Variants in LMO7 observed in about 807,000 individuals in gnomAD.
The protein encoded by LMO7 is LIM domain 7, also known as LIM domain only protein 7.
LMO7 carries 120 observed loss-of-function variants against 206.5 expected under a neutral mutation model. That is an observed-to-expected ratio of 0.58 (90% confidence interval 0.50 to 0.68). LMO7 has a LOEUF of 0.68. LMO7 is among the 30% of genes least tolerant of loss of function. LMO7 has a pLI of 0.00. For missense variants in LMO7, 1,959 were observed against 1,957.9 expected (o/e 1.00, Z -0.01); for synonymous variants, 706 against 681.5 (o/e 1.04, Z -0.56).
chr13:75,818,007 C>T (rs1160517800), intron 12 of LMO7, among the ~76,000 whole-genome samples: 1 of 152,082 alleles, frequency 6.6e-6, no homozygotes, highest in Non-Finnish European at 1.5e-5. Context: ...TGAGCAAAAG[C>T]ATGAGCAAAG....
chr13:75,716,842 C>T (rs2043571926), intron 2 of LMO7, among the ~76,000 whole-genome samples: 1 of 151,938 alleles, frequency 6.6e-6, no homozygotes, highest in African/African-American at 2.4e-5. Context: ...CAGTAATTTC[C>T]CAGTTACTCA....
chr13:75,702,491 A>G (rs756143850), intron 1 of LMO7, among the ~76,000 whole-genome samples: 1 of 152,238 alleles, frequency 6.6e-6, no homozygotes, highest in Non-Finnish European at 1.5e-5. Flanking sequence ...TTGCTATCAA[A>G]TGATATTAGT....
rs2039744092 is a variant in LMO7 at position 75,673,300 on chromosome 13, G to T, written c.69+36574G>T. On this transcript the variant is annotated intron_variant, in intron 1 of 30. Coordinates refer to ENST00000377534, the MANE Select transcript of LMO7 (RefSeq NM_001306080.2). ...TCCATCTGAACCTTGACATTTATGA[G>T]AATGTTAGTAAATCCAGATGAAAAT... Among the ~76,000 whole-genome samples, 3 of 152,078 alleles carry T rather than the reference G, an allele frequency of 2.0e-5. No homozygotes were observed. The East Asian group carries it at 5.8e-4, about 29-fold the overall frequency.
Position 75,822,798 on chromosome 13 carries a change from T to C in LMO7, c.2641-767T>C, listed in dbSNP as rs556054829. Among the ~76,000 whole-genome samples, 357 of 104,162 alleles carry C rather than the reference T, an allele frequency of 3.4e-3. 2 individuals are homozygous for C. The highest frequency in any genetic ancestry group is 0.013 in the African/African-American group (342 of 26,966). The allele number at this position is 104,162 out of a possible 152,430, so 68.3% of individuals were successfully genotyped here. A position where few individuals can be genotyped will look rare whatever the true frequency, so the allele number is the denominator to read the frequency against. ...TATATATATATATATATATATATAG[T>C]TTCTAAAAATTATATATATATAATA... is the stretch of plus-strand genomic sequence containing the variant. On this transcript the variant is annotated intron_variant, in intron 14 of 30. Transcript: ENST00000377534.
chr13:75,730,934 C>T (rs1050405429), intron 3 of LMO7, among the ~76,000 whole-genome samples: 12 of 147,800 alleles, frequency 8.1e-5, no homozygotes, highest in East Asian at 3.9e-4. Flanking sequence ...TGTAGTTGAG[C>T]GGTTTTGAGT....
At chr13:75,650,960 AG>A (rs1222532928) in intron 1 of LMO7, among the ~76,000 whole-genome samples, 1 of 152,224 alleles carries the variant, frequency 6.6e-6, no homozygotes, top group Non-Finnish European at 1.5e-5. Context: ...ATTTTAGAAA[AG>A]AAAAGCTTTT....
chr13:75,686,560 G>A (rs1009025712), intron 1 of LMO7, among the ~76,000 whole-genome samples: 17 of 147,974 alleles, frequency 1.1e-4, no homozygotes, highest in Non-Finnish European at 2.4e-4. Context: ...CTCTGTAAGG[G>A]ATAAAATATA....
intron 3 of LMO7, among the ~76,000 whole-genome samples, chr13:75,759,731 A>C (rs12184601): frequency 6.6e-6 from 1 of 152,086 alleles, no homozygotes; most frequent in Non-Finnish European, 1.5e-5. Context: ...TTCTCTTGCC[A>C]CACCTTTCCT....
At chr13:75,696,359 AAACAAAC>A (rs1433362173) in intron 1 of LMO7, among the ~76,000 whole-genome samples, 2 of 102,228 alleles carry the variant, frequency 2.0e-5, no homozygotes, top group African/African-American at 4.0e-5. Flanking sequence ...CATCTCAAAA[AAACAAAC>A]AAACAAACAA....
chr13:75,659,720 C>G (rs1231952414), intron 1 of LMO7, among the ~76,000 whole-genome samples: 1 of 152,216 alleles, frequency 6.6e-6, no homozygotes, highest in Admixed American at 6.5e-5. Context: ...ACAGGCAAAC[C>G]ATATCACCTG....
At chr13:75,752,234 A>G (rs1023778902) in intron 3 of LMO7, among the ~76,000 whole-genome samples, 6 of 152,026 alleles carry the variant, frequency 3.9e-5, no homozygotes, top group Middle Eastern at 3.4e-3. Context: ...CAAGTTCAGC[A>G]ATTATCCTGC....
intron 4 of LMO7, among the ~76,000 whole-genome samples, chr13:75,787,961 C>T (rs911425000): frequency 2.0e-5 from 3 of 152,144 alleles, no homozygotes; most frequent in African/African-American, 4.8e-5. Flanking sequence ...ATGGTGATTG[C>T]ACTTTTCTCT....
chr13:75,819,069 A>C (rs1299624194), intron 12 of LMO7, among the ~76,000 whole-genome samples: 1 of 152,204 alleles, frequency 6.6e-6, no homozygotes, highest in African/African-American at 2.4e-5. Flanking sequence ...TGAGATGAAA[A>C]CGAACTGGAA....
rs1427364413 is a variant in LMO7 at position 75,859,318 on chromosome 13, G to T, written c.*1375G>T. ...GTTCCTTGAGGATAACTTGTCAAAT[G>T]CCCCAAAGCATAAAGAATATAATTC... On this transcript the variant is annotated 3_prime_UTR_variant, in exon 31 of 31. Transcript: ENST00000377534. 6.6e-6 allele frequency: 1 copy of T among 152,036 alleles called. No homozygotes were observed. The highest frequency in any genetic ancestry group is 2.4e-5 in the African/African-American group (1 of 41,422). The allele number at this position is 152,036 out of a possible 1,614,324, so 9.4% of individuals were successfully genotyped here. A position where few individuals can be genotyped will look rare whatever the true frequency, so the allele number is the denominator to read the frequency against.
At chr13:75,838,560 AATTGCATAATATTAG>A in intron 20 of LMO7, 1 of 268,178 alleles carries the variant, frequency 3.7e-6, no homozygotes, top group Non-Finnish European at 7.2e-6. Flanking sequence ...GCTTCCTACA[AATTGCATAATATTAG>A]ATTACACCAA....
At chr13:75,681,755 CTTA>C (rs1223473403) in intron 1 of LMO7, among the ~76,000 whole-genome samples, 10 of 91,810 alleles carry the variant, frequency 1.1e-4, no homozygotes, top group East Asian at 3.2e-4. Flanking sequence ...TATATGGAAT[CTTA>C]TTATTTGTAG....
At chr13:75,715,975 A>G (rs2043498762) in intron 2 of LMO7, among the ~76,000 whole-genome samples, 1 of 152,238 alleles carries the variant, frequency 6.6e-6, no homozygotes, top group African/African-American at 2.4e-5. Flanking sequence ...TAGGTGAAAT[A>G]TGATTAGGAT....
chr13:75,676,354 CA>C (rs1404731429), intron 1 of LMO7, among the ~76,000 whole-genome samples: 4 of 151,958 alleles, frequency 2.6e-5, no homozygotes, highest in Admixed American at 2.6e-4. Flanking sequence ...CTATAGATAA[CA>C]AAAAAAGATT....
At chr13:75,665,922 C>T (rs1202959840) in intron 1 of LMO7, among the ~76,000 whole-genome samples, 1 of 152,026 alleles carries the variant, frequency 6.6e-6, no homozygotes, top group African/African-American at 2.4e-5. Context: ...AGTTACTCAG[C>T]TAAGTGTATT....
Sources: allele counts gnomAD v4.1 joint callset (sites outside exome capture counted in the v4.1 genomes callset), GRCh38; gene constraint gnomAD v4.1.1; transcripts MANE v1.5; gene names NCBI Gene and HGNC (gene_info 2026-07-23, HGNC 2026-07-21).